The following MICAL2 variants were observed in gnomAD, a reference collection of about 807,000 sequenced individuals.
MICAL2 encodes the protein microtubule associated monooxygenase, calponin and LIM domain containing 2, also known as [F-actin]-monooxygenase MICAL2.
In MICAL2, 77 loss-of-function variants were observed where a neutral mutation model predicts 127.3. That is an observed-to-expected ratio of 0.60 (90% confidence interval 0.50 to 0.73). MICAL2 has a LOEUF of 0.73. MICAL2 is among the 30% of genes least tolerant of loss of function. The pLI, the probability that MICAL2 is intolerant of heterozygous loss-of-function variation, is 0.00. For missense variants in MICAL2, 1,351 were observed against 1,434.4 expected (o/e 0.94, Z 0.94); for synonymous variants, 570 against 551.1 (o/e 1.03, Z -0.48).
At chr11:12,200,477 T>C (rs1277120593) in intron 3 of MICAL2, among the ~76,000 whole-genome samples, 2 of 152,202 alleles carry the variant, frequency 1.3e-5, no homozygotes, top group South Asian at 2.1e-4. Context: ...GCTGCCATGG[T>C]ATTTGGCCTC....
At chr11:12,152,133 C>CAAAAA (rs71037057) in intron 2 of MICAL2, among the ~76,000 whole-genome samples, 2 of 123,502 alleles carry the variant, frequency 1.6e-5, no homozygotes, top group Non-Finnish European at 3.4e-5. Context: ...ACTAAAAATA[C>CAAAAA]AAAAAAAAAA....
intron 24 of MICAL2, among the ~76,000 whole-genome samples, chr11:12,270,349 C>T (rs1258061718): frequency 2.6e-5 from 4 of 152,230 alleles, no homozygotes; most frequent in Admixed American, 1.3e-4. Flanking sequence ...TTCCAGCTCC[C>T]TTGAAACTGG....
chr11:12,270,204 G>A (rs540142532), intron 24 of MICAL2, among the ~76,000 whole-genome samples: 8 of 152,290 alleles, frequency 5.3e-5, no homozygotes, highest in African/African-American at 1.9e-4. Context: ...GACTTGTAGT[G>A]TCCCCTCTTA....
At chr11:12,292,740 G>A (rs1863920823), downstream of MICAL2, among the ~76,000 whole-genome samples, 1 of 152,306 alleles carries the variant, frequency 6.6e-6, no homozygotes, top group African/African-American at 2.4e-5. Context: ...ATGCAGGCTG[G>A]ACTCTTTCCT....
intron 3 of MICAL2, among the ~76,000 whole-genome samples, chr11:12,185,795 G>A (rs1014778048): frequency 6.6e-6 from 1 of 152,224 alleles, no homozygotes; most frequent in African/African-American, 2.4e-5. Flanking sequence ...GATCTCTGGA[G>A]GCCTGGAGGA....
chr11:12,201,152 T>G (rs1265350159), intron 3 of MICAL2, among the ~76,000 whole-genome samples: 1 of 152,006 alleles, frequency 6.6e-6, no homozygotes, highest in African/African-American at 2.4e-5. Flanking sequence ...TCCCGGTGGC[T>G]CTATCCAGAG....
At chr11:12,345,751 T>C (rs369338615) in intron 32 of MICAL2, among the ~76,000 whole-genome samples, 39 of 152,218 alleles carry the variant, frequency 2.6e-4, no homozygotes, top group African/African-American at 9.2e-4. Flanking sequence ...CCAGTGAAGA[T>C]GCTGCTAAAA....
chr11:12,219,528 CAAAAAAAAAA>C (rs11316414), intron 8 of MICAL2, among the ~76,000 whole-genome samples: 2 of 48,606 alleles, frequency 4.1e-5, no homozygotes, highest in Non-Finnish European at 7.2e-5. Flanking sequence ...AACTCCATCT[CAAAAAAAAAA>C]AAAAAAAAAA....
At chr11:12,286,084 T>G (rs1863823741) in intron 2 of MICAL2, among the ~76,000 whole-genome samples, 1 of 152,210 alleles carries the variant, frequency 6.6e-6, no homozygotes, top group African/African-American at 2.4e-5. Context: ...GACCAAGACC[T>G]GTTTTTCTTC....
At chr11:12,292,235 C>T, downstream of MICAL2, 1 of 1,614,114 alleles carries the variant, frequency 6.2e-7, no homozygotes, top group Non-Finnish European at 8.5e-7. Flanking sequence ...TTCATCTTCC[C>T]CACCATCTTC....
chr11:12,330,858 GGGTA>G (rs1864413524), intron 32 of MICAL2, among the ~76,000 whole-genome samples: 1 of 107,580 alleles, frequency 9.3e-6, no homozygotes, highest in African/African-American at 2.9e-5. Flanking sequence ...ACAGAGAGAG[GGGTA>G]GAGAGAGAGA....
In MICAL2 at chr11:12,224,743, C is replaced by T. The variant is rs547124652; in HGVS notation, c.1611C>T (p.Asn537=). ...QQQTEGYQHV[N]VTDLTTSWRS... is the part of the protein sequence containing the mutation. ...AGACAGAGGGCTACCAGCATGTCAA[C>T]GTCACCGACCTGACCACATCCTGGC... Residue 537 remains asparagine (N), a synonymous_variant, in exon 13 of 28, where the codon AAC becomes AAT. Transcript: ENST00000683283. The T allele has an allele frequency of 4.2e-5, 68 of 1,614,238 alleles. No homozygotes were observed. The East Asian group carries it at 6.2e-4, about 15-fold the overall frequency.
At chr11:12,237,856 C>T (rs1012614235) in intron 16 of MICAL2, among the ~76,000 whole-genome samples, 1 of 152,174 alleles carries the variant, frequency 6.6e-6, no homozygotes. Flanking sequence ...CCTGGTGATT[C>T]GTGGACCCGT....
intron 21 of MICAL2, among the ~76,000 whole-genome samples, chr11:12,246,780 T>C (rs1370149648): frequency 6.6e-6 from 1 of 152,158 alleles, no homozygotes; most frequent in African/African-American, 2.4e-5. Flanking sequence ...TAAACAAATA[T>C]TTATTGAATG....
chr11:12,294,184 G>A, downstream of MICAL2: 4 of 1,614,028 alleles, frequency 2.5e-6, no homozygotes, highest in Non-Finnish European at 3.4e-6. Flanking sequence ...AGAAGATGGG[G>A]ACCCCTGCGG....
At chr11:12,203,627 A>G (rs1854302913) in intron 3 of MICAL2, among the ~76,000 whole-genome samples, 1 of 152,106 alleles carries the variant, frequency 6.6e-6, no homozygotes, top group Non-Finnish European at 1.5e-5. Flanking sequence ...TTTATTATTG[A>G]GTTGTGAACA....
In MICAL2 at chr11:12,259,844, C is replaced by T. The variant is rs763187981; in HGVS notation, c.3281C>T (p.Thr1094Ile). The T allele has an allele frequency of 5.6e-6, 9 of 1,599,980 alleles. No individual in the cohort carries two copies. In the East Asian group the frequency reaches 9.0e-5, roughly 16 times the overall value. The change falls in exon 26 of 28, where the codon ACC becomes ATC. Residue 1094 changes from threonine (T) to isoleucine (I), a missense_variant. Physicochemically the swap from Thr to Ile is moderately conservative, Grantham distance 89. Transcript: ENST00000683283. ...GAAGCCCCTCGGAGAGACACTCCCACCGAAAGTTCTTGCGCAGTGGCCGCC... is the reference window on the plus strand; with the variant it reads ...GAAGCCCCTCGGAGAGACACTCCCATCGAAAGTTCTTGCGCAGTGGCCGCC... ...EQEAPRRDTP[T>I]ESSCAVAAIG...
chr11:12,191,825 A>C (rs1590268488), intron 3 of MICAL2, among the ~76,000 whole-genome samples: 1 of 152,156 alleles, frequency 6.6e-6, no homozygotes, highest in East Asian at 1.9e-4. Flanking sequence ...CATGCAGAAA[A>C]TAAATGGAAA....
chr11:12,341,138 A>G (rs1412391268), intron 32 of MICAL2, among the ~76,000 whole-genome samples: 1 of 152,170 alleles, frequency 6.6e-6, no homozygotes, highest in Non-Finnish European at 1.5e-5. Context: ...CTGACCAGAG[A>G]CCAGAGAACA....
Sources: gnomAD v4.1 joint callset for allele counts (sites outside exome capture counted in the v4.1 genomes callset) on GRCh38, gnomAD v4.1.1 for gene constraint, MANE v1.5 for transcripts, NCBI Gene and HGNC (gene_info 2026-07-23, HGNC 2026-07-21) for gene names.